Variants in JAKMIP2 observed in about 807,000 individuals in gnomAD.
JAKMIP2 encodes the protein janus kinase and microtubule interacting protein 2.
A neutral mutation model predicts 115.0 loss-of-function variants in JAKMIP2; 25 were observed. The ratio of observed to expected loss-of-function variants is 0.22; its 90% CI spans 0.16 to 0.30. The LOEUF is 0.30. Ranked by LOEUF, JAKMIP2 falls within the 10% of genes least tolerant of loss-of-function variation. The pLI is 1.00. For missense variants in JAKMIP2, 642 were observed against 957.6 expected (o/e 0.67, Z 4.35); for synonymous variants, 334 against 343.6 (o/e 0.97, Z 0.31).
In JAKMIP2 at chr5:147,628,888, T is replaced by C; in HGVS notation, c.1930-72A>G. 11 of 1,074,552 alleles carry C rather than the reference T, an allele frequency of 1.0e-5. No individual in the cohort carries two copies. The South Asian group carries it at 1.4e-4, about 14-fold the overall frequency. 66.6% of individuals were successfully genotyped at this position (1,074,552 alleles called of 1,614,324 possible). ...TACCCCAAAGAAAATACTGTCTGAC[T>C]GACTGCTACAGAGCATTCTGTATAA... On this transcript the variant is annotated intron_variant, in intron 15 of 21. Coordinates refer to ENST00000616793, the MANE Select transcript of JAKMIP2 (RefSeq NM_001270941.2).
At chr5:147,606,874 GTTC>G (rs1756044362) in intron 20 of JAKMIP2, among the ~76,000 whole-genome samples, 1 of 152,070 alleles carries the variant, frequency 6.6e-6, no homozygotes, top group Non-Finnish European at 1.5e-5. Context: ...GTGGATTTTA[GTTC>G]TTCTTGAAGT....
At chr5:147,645,060 G>T (rs1196124701) in intron 5 of JAKMIP2, 64 bp from the exon 6 acceptor site, 10 of 1,526,848 alleles carry the variant, frequency 6.5e-6, no homozygotes, top group Non-Finnish European at 8.1e-6. Flanking sequence ...GGGGAGTAAA[G>T]TGGTGGGAGT....
In JAKMIP2 at chr5:147,667,840, AC is replaced by A. The variant is rs371139340; in HGVS notation, c.129+3837del. ...GTATCTGGAGGCTGTGGGGACAGTCACTCGAGGATAGAAAATGTTGGTTGAT... is the reference window on the plus strand; with the variant it reads ...GTATCTGGAGGCTGTGGGGACAGTCATCGAGGATAGAAAATGTTGGTTGAT... On this transcript the variant is annotated intron_variant, in intron 2 of 21. Transcript: ENST00000616793. Among the ~76,000 whole-genome samples, 22 of 152,228 alleles carry A rather than the reference AC, an allele frequency of 1.4e-4. No homozygotes were observed. The East Asian group carries it at 4.3e-3, about 29-fold the overall frequency.
chr5:147,764,675 C>T lies in JAKMIP2; in HGVS notation c.-149+17781G>A, dbSNP rs1329573745. On this transcript the variant is annotated intron_variant, in intron 1 of 21. Coordinates refer to ENST00000616793, the MANE Select transcript of JAKMIP2 (RefSeq NM_001270941.2). ...GGCCAAGGCGAGAGGATCACAAGGTCAACAGATCAAGACCATCCTAGCCAA... is the reference window on the plus strand; with the variant it reads ...GGCCAAGGCGAGAGGATCACAAGGTTAACAGATCAAGACCATCCTAGCCAA... Among the ~76,000 whole-genome samples the T allele has an allele frequency of 3.3e-5, 5 of 151,720 alleles. No individual in the cohort carries two copies. The East Asian group carries it at 9.8e-4, about 30-fold the overall frequency.
chr5:147,663,918 T>C (rs1759162704), intron 2 of JAKMIP2, among the ~76,000 whole-genome samples: 1 of 152,182 alleles, frequency 6.6e-6, no homozygotes, highest in Non-Finnish European at 1.5e-5. Context: ...ATCCGCTAGT[T>C]ACCATACTGC....
chr5:147,716,294 G>A (rs1297176667), intron 1 of JAKMIP2, among the ~76,000 whole-genome samples: 25 of 121,406 alleles, frequency 2.1e-4, no homozygotes, highest in African/African-American at 4.6e-4. Context: ...GAATAATGCC[G>A]CAATAAACAT....
At chr5:147,757,825 T>C (rs2127038890) in intron 1 of JAKMIP2, among the ~76,000 whole-genome samples, 1 of 152,264 alleles carries the variant, frequency 6.6e-6, no homozygotes, top group Admixed American at 6.5e-5. Flanking sequence ...ATTTTTAAAG[T>C]ATTATGATAA....
chr5:147,686,972 T>C (rs1259945943), intron 1 of JAKMIP2, among the ~76,000 whole-genome samples: 1 of 152,184 alleles, frequency 6.6e-6, no homozygotes, highest in Admixed American at 6.5e-5. Context: ...TTTTCTTATA[T>C]ATCTTAAAAT....
intron 4 of JAKMIP2, among the ~76,000 whole-genome samples, chr5:147,649,487 G>A (rs1758288752): frequency 6.6e-6 from 1 of 152,050 alleles, no homozygotes. Context: ...CACAGTAAAT[G>A]GCAGATTTGG....
At chr5:147,696,552 C>T (rs1187511760) in intron 1 of JAKMIP2, among the ~76,000 whole-genome samples, 1 of 152,156 alleles carries the variant, frequency 6.6e-6, no homozygotes, top group Non-Finnish European at 1.5e-5. Context: ...TTCTTTACAG[C>T]AGTGTGAGAA....
chr5:147,609,545 CTG>C (rs1375845644), intron 20 of JAKMIP2, among the ~76,000 whole-genome samples: 5 of 152,220 alleles, frequency 3.3e-5, no homozygotes, highest in African/African-American at 1.2e-4. Context: ...GAGAGATCCA[CTG>C]TTAGTCTGAT....
At chr5:147,667,466 T>A (rs1461025698) in intron 2 of JAKMIP2, among the ~76,000 whole-genome samples, 1 of 152,116 alleles carries the variant, frequency 6.6e-6, no homozygotes, top group East Asian at 1.9e-4. Flanking sequence ...ATCTTAGAAA[T>A]GTAGGATTAA....
At chr5:147,756,591 T>C (rs529518191) in intron 1 of JAKMIP2, among the ~76,000 whole-genome samples, 1 of 152,270 alleles carries the variant, frequency 6.6e-6, no homozygotes, top group Admixed American at 6.5e-5. Context: ...TGGGAATTCT[T>C]TTCCACTCAA....
chr5:147,601,846 G>T, intron 20 of JAKMIP2, 35 bp from the exon 21 acceptor site: 1 of 1,026,538 alleles, frequency 9.7e-7, no homozygotes, highest in South Asian at 1.5e-5. Context: ...ATGTAAATCT[G>T]AATTTCTGTA....
At chr5:147,649,041 C>T (rs17494960) in intron 4 of JAKMIP2, among the ~76,000 whole-genome samples, 3,762 of 152,242 alleles carry the variant, frequency 0.025, 63 homozygotes, top group Non-Finnish European at 0.037. Flanking sequence ...GTATATTCTG[C>T]CCAATGCAAC....
At chr5:147,593,864 A>G (rs80023844) in intron 21 of JAKMIP2, among the ~76,000 whole-genome samples, 1 of 152,348 alleles carries the variant, frequency 6.6e-6, no homozygotes, top group Non-Finnish European at 1.5e-5. Context: ...GAATGTATAT[A>G]AAAAATTCTT....
chr5:147,610,483 ACT>A (rs1756258930), intron 20 of JAKMIP2, among the ~76,000 whole-genome samples: 1 of 151,964 alleles, frequency 6.6e-6, no homozygotes, highest in South Asian at 2.1e-4. Context: ...TCCACTCCAG[ACT>A]CTGTTTGCCG....
intron 1 of JAKMIP2, among the ~76,000 whole-genome samples, chr5:147,727,295 A>G (rs553422332): frequency 1.3e-5 from 2 of 152,246 alleles, no homozygotes; most frequent in Non-Finnish European, 2.9e-5. Context: ...TTTAAAAGCC[A>G]GAAATATTGG....
intron 3 of JAKMIP2, among the ~76,000 whole-genome samples, chr5:147,658,222 G>C (rs1319092656): frequency 6.6e-6 from 1 of 152,110 alleles, no homozygotes; most frequent in African/African-American, 2.4e-5. Context: ...TGCTTTTTTA[G>C]TTTTGTTTGT....
Sources: allele counts gnomAD v4.1 joint callset (sites outside exome capture counted in the v4.1 genomes callset), GRCh38; gene constraint gnomAD v4.1.1; transcripts MANE v1.5; gene names NCBI Gene and HGNC (gene_info 2026-07-23, HGNC 2026-07-21).